Variants in CLEC1B observed in about 807,000 individuals in gnomAD.
CLEC1B encodes C-type lectin-like receptor 2.
CLEC1B carries 26 observed loss-of-function variants against 26.7 expected under a neutral mutation model. The observed-to-expected ratio is 0.97, with a 90% confidence interval of 0.71 to 1.35. CLEC1B has a LOEUF of 1.35. Among genes scored for constraint, CLEC1B ranks in the 40% most tolerant of loss-of-function variants. The pLI, the probability that CLEC1B is intolerant of heterozygous loss-of-function variation, is 0.00. For missense variants in CLEC1B, 293 were observed against 282.6 expected, an observed-to-expected ratio of 1.04 and a Z score of -0.26; for synonymous variants, 112 against 96.0, an observed-to-expected ratio of 1.17 and a Z score of -0.97.
rs746734460 is a variant in CLEC1B, at chr12:9,997,308, T to A, written c.164-29A>T. The A allele has an allele frequency of 6.3e-6, 10 of 1,581,746 alleles. No homozygotes were observed. The Admixed American group carries it at 1.4e-4, about 22-fold the overall frequency. Reference sequence around the variant, plus strand: ...GGTTTAAAAAGTAAATAATAATAATTTGTAATTAGAACCATAGAAATGATG... The same window carrying A: ...GGTTTAAAAAGTAAATAATAATAATATGTAATTAGAACCATAGAAATGATG... On this transcript the variant is annotated intron_variant, in intron 2 of 5. Coordinates refer to ENST00000298527, the MANE Select transcript of CLEC1B (RefSeq NM_016509.4).
chr12:9,996,644 G>A (rs1865054985), intron 4 of CLEC1B: 5 of 686,228 alleles, frequency 7.3e-6, no homozygotes, highest in East Asian at 2.8e-5. Context: ...CAATTTGACT[G>A]ATCAACTCTA....
Position 9,994,966 on chromosome 12 carries a change from G to GGA in CLEC1B, c.545+172_545+173dup, listed in dbSNP as rs924210761. The GGA allele has an allele frequency of 5.2e-5, 77 of 1,489,052 alleles. No homozygotes were observed. In the Admixed American group the frequency reaches 7.6e-4, roughly 15 times the overall value. The allele number at this position is 1,489,052 out of a possible 1,614,324, so 92.2% of individuals were successfully genotyped here. On this transcript the variant is annotated intron_variant, in intron 5 of 5. Coordinates refer to ENST00000298527, the MANE Select transcript of CLEC1B (RefSeq NM_016509.4). ...GGCTTAGATAAAGAGCAAAGTAATG[G>GGA]GAGAGAGGGGAAAGAATTGTCTTAT...
intron 5 of CLEC1B, 82 bp from the exon 6 acceptor site, chr12:9,993,369 G>T: frequency 1.0e-6 from 1 of 975,384 alleles, no homozygotes. Flanking sequence ...GTAGTTTGAT[G>T]CACCAAATAG....
intron 4 of CLEC1B, chr12:9,996,637 T>G: frequency 7.4e-6 from 5 of 674,094 alleles, no homozygotes; most frequent in Non-Finnish European, 1.3e-5. Flanking sequence ...GACAAGTCAA[T>G]TTGACTGATC....
chr12:10,001,213 AC>A (rs1329064865), upstream of CLEC1B, among the ~76,000 whole-genome samples: 1 of 152,202 alleles, frequency 6.6e-6, no homozygotes, highest in Non-Finnish European at 1.5e-5. Flanking sequence ...ATTCTCTAGG[AC>A]TTGAGCAGCT....
At chr12:9,993,795 G>A (rs1864958865) in intron 5 of CLEC1B, among the ~76,000 whole-genome samples, 1 of 152,100 alleles carries the variant, frequency 6.6e-6, no homozygotes, top group Admixed American at 6.6e-5. Flanking sequence ...GTAATTGTCT[G>A]TTAAGTTATA....
At chr12:9,999,248 T>C (rs953663189), upstream of CLEC1B, 239 of 525,546 alleles carry the variant, frequency 4.5e-4, 2 homozygotes, top group Middle Eastern at 1.1e-3. Context: ...TTGTTTTCCT[T>C]TGCTTATTGT....
chr12:9,994,940 T>A, intron 5 of CLEC1B, 200 bp downstream of exon 5: 1 of 1,375,444 alleles, frequency 7.3e-7, no homozygotes, highest in Admixed American at 2.2e-5. Context: ...AGGTGGATTG[T>A]GGCTTAGATA....
chr12:9,996,802 T>C, intron 4 of CLEC1B, 44 bp downstream of exon 4: 1 of 1,607,074 alleles, frequency 6.2e-7, no homozygotes, highest in Non-Finnish European at 8.5e-7. Flanking sequence ...ATTTGAGGTT[T>C]CTCTTCCTTG....
chr12:9,998,512 C>T (rs1865105800), intron 1 of CLEC1B, 132 bp from the exon 2 acceptor site: 3 of 567,036 alleles, frequency 5.3e-6, no homozygotes, highest in Non-Finnish European at 9.8e-6. Context: ...GCAGATCTCA[C>T]CTGTGTTCTC....
Position 9,993,271 on chromosome 12 carries a change from C to A in CLEC1B, c.562G>T (p.Asp188Tyr). The A allele has an allele frequency of 6.2e-7, 1 of 1,612,634 alleles. No homozygotes were observed. Among genetic ancestry groups the A allele is most frequent in the Non-Finnish European group, 8.5e-7 (1 of 1,179,006 alleles). The change falls in exon 6 of 6, where the codon GAT becomes TAT. Residue 188 changes from aspartate (D) to tyrosine (Y), a missense_variant. Asp to Tyr is a radical substitution (Grantham distance 160, BLOSUM62 -3). Transcript: ENST00000298527. ...GCACAATTCATATTTCCTTTTCCAT[C>A]TTCCAAAAACTCAAACCTGTGAAGG... ...ISENMFEFLE[D>Y]GKGNMNCAYF...
In CLEC1B at chr12:9,996,955, C is replaced by T; in HGVS notation, c.329G>A (p.Gly110Glu). 2 of 1,614,098 alleles carry T rather than the reference C, an allele frequency of 1.2e-6. No individual in the cohort carries two copies. Among genetic ancestry groups the T allele is most frequent in the Non-Finnish European group, 1.7e-6 (2 of 1,179,972 alleles). The change falls in exon 4 of 6, where the codon GGA becomes GAA. Residue 110 changes from glycine to glutamate, a missense_variant. Transcript: ENST00000298527. ...CCTGAAGAACCCATAGCAGCTATCT[C>T]CATAATATCTCCAGTTTGTGTCACA... is the stretch of plus-strand genomic sequence containing the variant. ...SPCDTNWRYY[G>E]DSCYGFFRHN... is the part of the protein sequence containing the mutation.
chr12:9,994,657 C>T (rs1460575215), intron 5 of CLEC1B, among the ~76,000 whole-genome samples: 1 of 151,918 alleles, frequency 6.6e-6, no homozygotes, highest in Non-Finnish European at 1.5e-5. Flanking sequence ...TACAATGTAT[C>T]GAATTCTTGG....
intron 4 of CLEC1B, 148 bp downstream of exon 4, chr12:9,996,697 CT>C: frequency 1.3e-6 from 1 of 794,440 alleles, no homozygotes; most frequent in Admixed American, 1.9e-5. Flanking sequence ...TATCTGGGTT[CT>C]GTAATTCTTA....
chr12:9,999,161 A>C (rs1190758261), upstream of CLEC1B: 23 of 1,090,532 alleles, frequency 2.1e-5, no homozygotes, highest in Non-Finnish European at 3.1e-5. Flanking sequence ...GTAGTTTCCA[A>C]CTTTACAATT....
At chr12:9,994,403 ATTTG>A (rs1393216296) in intron 5 of CLEC1B, among the ~76,000 whole-genome samples, 2 of 152,158 alleles carry the variant, frequency 1.3e-5, no homozygotes, top group Non-Finnish European at 2.9e-5. Flanking sequence ...CTTAATAAAT[ATTTG>A]TTTAAAAATT....
Position 9,997,274 on chromosome 12 carries a change from T to C in CLEC1B, c.169A>G (p.Met57Val). ...GLVALGIWSV[M>V]QRNYLQGENE... is the part of the protein sequence containing the mutation. ...TCACCTTGTAGGTAATTGCGCTGCATGACAGCTAGGTTTAAAAAGTAAATA... is the reference window on the plus strand; with the variant it reads ...TCACCTTGTAGGTAATTGCGCTGCACGACAGCTAGGTTTAAAAAGTAAATA... The change falls in exon 3 of 6, where the codon ATG becomes GTG. Residue 57 changes from methionine (M) to valine (V), a missense_variant. Transcript: ENST00000298527. 2 of 1,610,642 alleles carry C rather than the reference T, an allele frequency of 1.2e-6. No individual in the cohort carries two copies. Among genetic ancestry groups the C allele is most frequent in the Non-Finnish European group, 1.7e-6 (2 of 1,177,638 alleles).
intron 2 of CLEC1B, 94 bp from the exon 3 acceptor site, chr12:9,997,373 C>A: frequency 8.5e-7 from 1 of 1,172,748 alleles, no homozygotes; most frequent in Non-Finnish European, 1.2e-6. Flanking sequence ...TTAACTTTGC[C>A]AATATATGAG....
chr12:9,997,216 A>C lies in CLEC1B; in HGVS notation c.227T>G (p.Leu76Ter), dbSNP rs1865075340. The change falls in exon 3 of 6, where the codon TTA (leucine) becomes TGA (stop). Residue 76 changes from leucine to a stop codon, truncating the protein, a stop_gained. Transcript: ENST00000298527. LOFTEE classifies it high-confidence loss of function. The part of the protein sequence containing the change: ...NENRTGTLQQ[L>*]AKRFCQYVVK... ...CACATATTGACAGAAGCGCTTTGCT[A>C]ATTGTTGCAGAGTTCCTGTGCGATT... is the stretch of plus-strand genomic sequence containing the variant. The C allele has an allele frequency of 1.2e-6, 2 of 1,613,834 alleles. No homozygotes were observed. The highest frequency in any genetic ancestry group is 1.7e-6 in the Non-Finnish European group (2 of 1,179,924).
Sources: gnomAD v4.1 joint callset for allele counts (sites outside exome capture counted in the v4.1 genomes callset) on GRCh38, gnomAD v4.1.1 for gene constraint, MANE v1.5 for transcripts, NCBI Gene and HGNC (gene_info 2026-07-23, HGNC 2026-07-21) for gene names.